The following BEND2 variants were observed in gnomAD, a reference collection of about 807,000 sequenced individuals.
The protein encoded by BEND2 is BEN domain-containing protein 2.
BEND2 carries 19 observed loss-of-function variants against 43.8 expected under a neutral mutation model. The ratio of observed to expected loss-of-function variants is 0.43; its 90% confidence interval spans 0.30 to 0.64. The LOEUF (loss-of-function observed/expected upper bound fraction) is 0.64. BEND2 is among the 30% of genes least tolerant of loss of function. BEND2 has a pLI of 0.11. For synonymous variants in BEND2, 226 were observed against 210.1 expected, an observed-to-expected ratio of 1.08 and a Z score of -0.66; for missense variants, 544 against 574.0, an observed-to-expected ratio of 0.95 and a Z score of 0.53.
At chrX:18,167,559 A>AT (rs1472152138) in intron 13 of BEND2, among the ~76,000 whole-genome samples, 1 of 110,287 alleles carries the variant, frequency 9.1e-6, no homozygotes, top group Non-Finnish European at 1.9e-5. Context: ...CATAAATTTT[A>AT]TTTTTTTCTA....
chrX:18,166,974 G>A (rs938143225), intron 13 of BEND2, among the ~76,000 whole-genome samples: 25 of 111,082 alleles, frequency 2.3e-4, no homozygotes, highest in African/African-American at 6.9e-4. Flanking sequence ...TTTCCTAGCC[G>A]TTTGACTTTA....
intron 8 of BEND2, among the ~76,000 whole-genome samples, chrX:18,190,618 G>A (rs1042549895): frequency 1.8e-5 from 2 of 110,913 alleles, no homozygotes; most frequent in African/African-American, 6.6e-5. Flanking sequence ...GAGTAGATAT[G>A]GTTATAAAAA....
intron 8 of BEND2, among the ~76,000 whole-genome samples, chrX:18,185,529 G>A (rs1418118168): frequency 7.1e-5 from 4 of 56,415 alleles, no homozygotes; most frequent in Non-Finnish European, 1.4e-4. Flanking sequence ...AGACTCAGTC[G>A]CAAAAATAAT....
chrX:18,201,569 T>C (rs1464894725), intron 6 of BEND2, among the ~76,000 whole-genome samples: 1 of 108,345 alleles, frequency 9.2e-6, no homozygotes. Flanking sequence ...CCCAGCTCAC[T>C]GCAACCTCTG....
chrX:18,196,467 A>G (rs1924956257), intron 6 of BEND2, among the ~76,000 whole-genome samples: 1 of 111,126 alleles, frequency 9.0e-6, no homozygotes, highest in African/African-American at 3.3e-5. Flanking sequence ...CTTGACATTC[A>G]TGACAGACAA....
chrX:18,207,646 C>G (rs1602051623), intron 4 of BEND2, among the ~76,000 whole-genome samples: 1 of 112,053 alleles, frequency 8.9e-6, no homozygotes, highest in African/African-American at 3.2e-5. Flanking sequence ...GGATACTGTT[C>G]TAACTAGAAA....
intron 8 of BEND2, among the ~76,000 whole-genome samples, chrX:18,181,394 G>A (rs6633072): frequency 9.0e-6 from 1 of 110,927 alleles, no homozygotes; most frequent in East Asian, 2.8e-4. Flanking sequence ...ATTTGTGATA[G>A]CCAAAACCTG....
At chrX:18,206,588 G>A (rs1046067800) in intron 4 of BEND2, among the ~76,000 whole-genome samples, 4 of 110,761 alleles carry the variant, frequency 3.6e-5, no homozygotes, top group Non-Finnish European at 7.6e-5. Flanking sequence ...GCCCGATTGG[G>A]GGCAGCTCTG....
chrX:18,218,013 G>A (rs1925728204), intron 1 of BEND2, among the ~76,000 whole-genome samples: 1 of 109,669 alleles, frequency 9.1e-6, no homozygotes, highest in Non-Finnish European at 1.9e-5. Flanking sequence ...GGCTGAGGTA[G>A]GATGGCTTGC....
chrX:18,177,764 G>C lies in BEND2; in HGVS notation c.1435C>G (p.Leu479Val), dbSNP rs1203500552. The part of the protein sequence containing the change: ...SVCIPPKYGY[L>V]GDPKRNVRVL... ...CTGACATTTCTTTTTGGATCACCAA[G>C]ATAGCCTTTAAAAATAAAGAGAAAA... The change falls in exon 10 of 14, where the codon CTT becomes GTT. Residue 479 changes from leucine (L) to valine (V), a missense_variant. By Grantham distance (32) the Leu-to-Val change is conservative (BLOSUM62 1). Coordinates refer to ENST00000380033, the MANE Select transcript of BEND2 (RefSeq NM_153346.5). 2.1e-5 allele frequency: 25 copies of C among 1,205,121 alleles called. No homozygotes were observed. The highest frequency in any genetic ancestry group is 3.5e-5 in the African/African-American group (2 of 57,674).
intron 9 of BEND2, among the ~76,000 whole-genome samples, chrX:18,178,990 G>A (rs1483402046): frequency 1.7e-5 from 1 of 59,862 alleles, no homozygotes; most frequent in East Asian, 3.8e-4. Flanking sequence ...ATTCTGTAAA[G>A]GACATTCTAG....
intron 6 of BEND2, among the ~76,000 whole-genome samples, chrX:18,201,409 A>AC (rs1925147923): frequency 1.0e-5 from 1 of 96,927 alleles, no homozygotes; most frequent in Non-Finnish European, 2.0e-5. Flanking sequence ...AAAAAAAAAA[A>AC]AAAAAAAACA....
chrX:18,206,536 A>C (rs989236999), intron 4 of BEND2, among the ~76,000 whole-genome samples: 1 of 110,274 alleles, frequency 9.1e-6, no homozygotes, highest in African/African-American at 3.3e-5. Flanking sequence ...CGTAGAGGGG[A>C]AGGAGGGTCA....
Position 18,165,092 on chromosome X carries a change from G to A in BEND2, c.2317C>T (p.Gln773Ter). The change falls in exon 14 of 14, where the codon CAG becomes TAG. Residue 773 changes from glutamine to a stop codon, truncating the protein, a stop_gained. Coordinates refer to ENST00000380033, the MANE Select transcript of BEND2 (RefSeq NM_153346.5). LOFTEE classifies it low-confidence loss of function (END_TRUNC). ...HDVRRAEARS[Q>*]SLPAVTPPEL... ...GGAGGGGTCACTGCTGGAAGCGACTGAGACCTGGCTTCAGCCCTTCTGACG... is the reference window on the plus strand; with the variant it reads ...GGAGGGGTCACTGCTGGAAGCGACTAAGACCTGGCTTCAGCCCTTCTGACG... 1 of 1,210,526 alleles carries A rather than the reference G, an allele frequency of 8.3e-7. No homozygotes were observed. Among genetic ancestry groups the A allele is most frequent in the East Asian group, 3.0e-5 (1 of 33,829 alleles).
At position 18,220,802 on chromosome X, in the gene BEND2, T is replaced by C. The variant is rs763671717; in HGVS notation, c.-52A>G. 3 of 1,154,837 alleles carry C rather than the reference T, an allele frequency of 2.6e-6. No homozygotes were observed. In the South Asian group the frequency reaches 5.6e-5, roughly 22 times the overall value. Reference sequence around the variant, plus strand: ...GGCCCGAGACCTGAGGCCCGAGACCTGAGGCCTACGTCTGCGCCGCGGCTC... The same window carrying C: ...GGCCCGAGACCTGAGGCCCGAGACCCGAGGCCTACGTCTGCGCCGCGGCTC... On this transcript the variant is annotated 5_prime_UTR_variant, in exon 1 of 14. Coordinates refer to ENST00000380033, the MANE Select transcript of BEND2 (RefSeq NM_153346.5).
At chrX:18,196,384 C>T (rs1314482663) in intron 6 of BEND2, among the ~76,000 whole-genome samples, 2 of 110,344 alleles carry the variant, frequency 1.8e-5, no homozygotes, top group East Asian at 5.7e-4. Flanking sequence ...CATGTAAAGC[C>T]TTTCTGGAAA....
intron 7 of BEND2, among the ~76,000 whole-genome samples, chrX:18,193,665 T>A (rs958137948): frequency 4.5e-5 from 5 of 111,804 alleles, no homozygotes; most frequent in Non-Finnish European, 9.4e-5. Flanking sequence ...AATTAAAAGT[T>A]TAGTTTAAAA....
At chrX:18,205,935 C>A (rs755183599) in intron 4 of BEND2, among the ~76,000 whole-genome samples, 11 of 111,035 alleles carry the variant, frequency 9.9e-5, no homozygotes, top group Non-Finnish European at 1.9e-4. Context: ...AGTGCAGGCT[C>A]TAGGGGAACA....
intron 11 of BEND2, 77 bp from the exon 12 acceptor site, chrX:18,174,335 G>T (rs1323954321): frequency 4.9e-5 from 46 of 934,088 alleles, no homozygotes; most frequent in Non-Finnish European, 6.5e-5. Flanking sequence ...CACCTACCAG[G>T]CCCACCAGGT....
Sources: gnomAD v4.1 joint callset for allele counts (sites outside exome capture counted in the v4.1 genomes callset) on GRCh38, gnomAD v4.1.1 for gene constraint, MANE v1.5 for transcripts, NCBI Gene and HGNC (gene_info 2026-07-23, HGNC 2026-07-21) for gene names.